Variants in AGRN observed in about 807,000 individuals in gnomAD.
AGRN encodes the protein agrin.
AGRN carries 106 observed loss-of-function variants against 211.0 expected under a neutral mutation model. That is an observed-to-expected ratio of 0.50 (90% CI 0.43 to 0.59). The LOEUF (loss-of-function observed/expected upper bound fraction) is 0.59. Ranked by LOEUF, AGRN falls within the 20% of genes least tolerant of loss-of-function variation. The pLI is 0.00. For synonymous variants in AGRN, 1,525 were observed against 1,332.5 expected (o/e 1.14, Z -3.15); for missense variants, 3,040 against 2,982.6 (o/e 1.02, Z -0.45).
chr1:1,040,773 C>A lies in AGRN; in HGVS notation c.620C>A (p.Ala207Glu), dbSNP rs996667695. 8 of 1,540,808 alleles carry A rather than the reference C, an allele frequency of 5.2e-6. No individual in the cohort carries two copies. The highest frequency in any genetic ancestry group is 6.1e-6 in the Non-Finnish European group (7 of 1,147,432). Residue 207 changes from alanine to glutamate, a missense_variant, in exon 4 of 36, where the codon GCG becomes GAG. Ala to Glu is a moderately radical substitution (Grantham distance 107). This residue lies in a region of AGRN where 1,498 missense variants were observed against 1,457.8 expected (regional missense o/e 1.03). Transcript: ENST00000379370. ...CKKSPCPSVV[A>E]PVCGSDASTY... ...AAGAGCCCGTGCCCCAGCGTGGTGGCGCCTGTGTGTGGGTCGGACGCCTCC... is the reference window on the plus strand; with the variant it reads ...AAGAGCCCGTGCCCCAGCGTGGTGGAGCCTGTGTGTGGGTCGGACGCCTCC...
In AGRN at chr1:1,043,306, G is replaced by T; in HGVS notation, c.1452G>T (p.Gly484=). 1 of 1,611,460 alleles carries T rather than the reference G, an allele frequency of 6.2e-7. No individual in the cohort carries two copies. ...GGGCGACGTGTGCTGTGAAGAACGG[G>T]CAGGCAGCGTGTGAATGCCTGCAGG... ...AFGATCAVKN[G]QAACECLQAC... Residue 484 remains glycine (G), a synonymous_variant, in exon 8 of 36, where the codon GGG becomes GGT. Transcript: ENST00000379370.
rs188516731 is a variant in AGRN at position 1,022,828 on chromosome 1, C to T, written c.463+366C>T. On this transcript the variant is annotated intron_variant, in intron 2 of 35. Transcript: ENST00000379370. Reference sequence around the variant, plus strand: ...AAGCCCCTGTGTTAGCCCAGACCTCCGTCTAGACGGGCCCGCGTGTCGAGC... The same window carrying T: ...AAGCCCCTGTGTTAGCCCAGACCTCTGTCTAGACGGGCCCGCGTGTCGAGC... 7.2e-5 allele frequency among the ~76,000 whole-genome samples: 11 copies of T among 152,370 alleles called. 1 individual carries two copies. The East Asian group carries it at 7.7e-4, about 11-fold the overall frequency.
rs1645167604 is a variant in AGRN, at chr1:1,048,494, G to A, written c.4105+129G>A. On this transcript the variant is annotated intron_variant, in intron 23 of 35. Coordinates refer to ENST00000379370, the MANE Select transcript of AGRN (RefSeq NM_198576.4). The surrounding 1 kb of genome is among the most constrained non-coding windows in gnomAD (Gnocchi z 5.9). Reference sequence around the variant, plus strand: ...CCGGATTAAGGCGGGGTTTCGGCCAGATGCGGTGGCTCACGCCTGTAATCC... The same window carrying A: ...CCGGATTAAGGCGGGGTTTCGGCCAAATGCGGTGGCTCACGCCTGTAATCC... 4 of 835,290 alleles carry A rather than the reference G, an allele frequency of 4.8e-6. No individual in the cohort carries two copies. Among genetic ancestry groups the A allele is most frequent in the Admixed American group, 3.1e-5 (1 of 32,754 alleles). 51.7% of individuals were successfully genotyped at this position (835,290 alleles called of 1,614,324 possible).
At chr1:1,040,516 A>G (rs1644901297) in intron 3 of AGRN, 149 bp from the exon 4 acceptor site, 3 of 958,656 alleles carry the variant, frequency 3.1e-6, no homozygotes, top group African/African-American at 1.6e-5. Context: ...CTGTGAGCGC[A>G]CGCACGCGTG....
At position 1,046,252 on chromosome 1, in the gene AGRN, G is replaced by C; in HGVS notation, c.2898G>C (p.Leu966=). 6.2e-7 allele frequency: 1 copy of C among 1,613,484 alleles called. No individual in the cohort carries two copies. ...GCCTGCAAATCTCTATCCAGAGCCT[G>C]GGCCCGTGCCAGGGTGAGGCCTGAC... is the stretch of plus-strand genomic sequence containing the variant. ...RQGLQISIQS[L]GPCQEAVAPS... The change falls in exon 17 of 36, where the codon CTG becomes CTC. Residue 966 remains leucine, a synonymous_variant. Coordinates refer to ENST00000379370, the MANE Select transcript of AGRN (RefSeq NM_198576.4).
chr1:1,044,059 CTG>C (rs1321469856), intron 10 of AGRN, 36 bp downstream of exon 10: 6 of 1,612,474 alleles, frequency 3.7e-6, no homozygotes, highest in Non-Finnish European at 5.1e-6. Context: ...CTGCTGGGCT[CTG>C]GCTTTGGACA....
intron 27 of AGRN, 21 bp from the exon 28 acceptor site, chr1:1,050,212 C>A (rs779815103): frequency 6.2e-7 from 1 of 1,612,670 alleles, no homozygotes; most frequent in Non-Finnish European, 8.5e-7. Context: ...AGGACTGAGG[C>A]CTTGGTGACT....
rs1645130024 is a variant in AGRN, at chr1:1,047,419, C to T, written c.3481C>T (p.Leu1161=). 1 of 1,612,704 alleles carries T rather than the reference C, an allele frequency of 6.2e-7. No individual in the cohort carries two copies. The highest frequency in any genetic ancestry group is 1.3e-5 in the African/African-American group (1 of 74,948). Residue 1161 remains leucine (L), a synonymous_variant, in exon 20 of 36, where the codon CTG becomes TTG. Transcript: ENST00000379370. The stretch of plus-strand genomic sequence containing the variant: ...CGAGATGGCTGACCCCAAGTCAGAA[C>T]TGTTCGGGGAGACAGCCAGGAGCAT... ...TPEMADPKSE[L]FGETARSIES...
chr1:1,045,966 G>A lies in AGRN; in HGVS notation c.2683G>A (p.Ala895Thr), dbSNP rs761623497. 8.7e-6 allele frequency: 14 copies of A among 1,613,490 alleles called. No individual in the cohort carries two copies. The East Asian group carries it at 2.0e-4, about 23-fold the overall frequency. ...GGTTTCCCATGCCCGTGCCCCAGAC[G>A]CTTCTGCGCCTGCGACCTGTGCGGA... ...ALGPAGCEAD[A>T]SAPATCAEMR... Residue 895 changes from alanine to threonine, a missense_variant and splice_region_variant, in exon 16 of 36, where the codon GCT becomes ACT. By Grantham distance (58) the Ala-to-Thr change is moderately conservative. Coordinates refer to ENST00000379370, the MANE Select transcript of AGRN (RefSeq NM_198576.4).
Position 1,042,049 on chromosome 1 carries a change from C to T in AGRN, c.1271C>T (p.Ala424Val), listed in dbSNP as rs768774592. 28 of 1,608,686 alleles carry T rather than the reference C, an allele frequency of 1.7e-5. No homozygotes were observed. In the South Asian group the frequency reaches 3.0e-4, roughly 17 times the overall value. Reference protein sequence around the residue: ...CSCDRVTCDGAYRPVCAQDGR... With the variant: ...CSCDRVTCDGVYRPVCAQDGR... ...TGCGACCGCGTCACCTGTGACGGGG[C>T]CTACAGGCCCGTGTGTGCCCAGGAC... The change falls in exon 7 of 36, where the codon GCC becomes GTC. Residue 424 changes from alanine (A) to valine (V), a missense_variant. By Grantham distance (64) the Ala-to-Val change is moderately conservative (BLOSUM62 0). Coordinates refer to ENST00000379370, the MANE Select transcript of AGRN (RefSeq NM_198576.4).
chr1:1,043,739 G>C lies in AGRN; in HGVS notation c.1798+7G>C. On this transcript the variant is annotated splice_region_variant and intron_variant, in intron 9 of 35. Coordinates refer to ENST00000379370, the MANE Select transcript of AGRN (RefSeq NM_198576.4). ...GCCTCAGCTGGACCCTGTGGTGAGTGAGGCCCTGGGGCCGGGCGGGCCAGG... is the reference window on the plus strand; with the variant it reads ...GCCTCAGCTGGACCCTGTGGTGAGTCAGGCCCTGGGGCCGGGCGGGCCAGG... The C allele has an allele frequency of 6.2e-7, 1 of 1,601,590 alleles. No homozygotes were observed. Among genetic ancestry groups the C allele is most frequent in the Non-Finnish European group, 8.5e-7 (1 of 1,179,756 alleles).
At position 1,041,924 on chromosome 1, in the gene AGRN, C is replaced by G. The variant is rs768645218; in HGVS notation, c.1178-32C>G. ...GGGCAGGGATGGAGGGTGCTCCAGC[C>G]TCTCCGTGACTCCCTCACCCCTGCG... On this transcript the variant is annotated intron_variant, in intron 6 of 35. Transcript: ENST00000379370. 46 of 1,608,638 alleles carry G rather than the reference C, an allele frequency of 2.9e-5. No homozygotes were observed. In the Admixed American group the frequency reaches 7.7e-4, roughly 27 times the overall value.
chr1:1,041,140 C>G (rs1168689602), intron 4 of AGRN, 33 bp from the exon 5 acceptor site: 1 of 1,312,478 alleles, frequency 7.6e-7, no homozygotes, highest in Admixed American at 3.9e-5. Flanking sequence ...GGGGCGGGGG[C>G]GGCCCGTCTG....
In AGRN at chr1:1,044,328, C is replaced by T. The variant is rs1334935933; in HGVS notation, c.2149-6C>T. On this transcript the variant is annotated splice_polypyrimidine_tract_variant and splice_region_variant and intron_variant, in intron 11 of 35. Transcript: ENST00000379370. ...TGCGGCCGCTCACACTGACACCACC[C>T]TCCAGGTGTGCGGCTCAGATGGGGT... is the stretch of plus-strand genomic sequence containing the variant. The T allele has an allele frequency of 1.9e-6, 3 of 1,612,752 alleles. No homozygotes were observed. The highest frequency in any genetic ancestry group is 1.3e-5 in the African/African-American group (1 of 75,036).
In AGRN at chr1:1,051,269, T is replaced by C; in HGVS notation, c.5270T>C (p.Leu1757Pro). Residue 1757 changes from leucine (L) to proline (P), a missense_variant, in exon 31 of 36, where the codon CTC becomes CCC. Transcript: ENST00000379370. The part of the protein sequence containing the change: ...LGESPVPHTV[L>P]NLKEPLYVGG... ...TCCCCGCAGGTTCCGCACACCGTCC[T>C]CAACCTGAAGGAGCCGCTCTACGTA... 1 of 1,581,110 alleles carries C rather than the reference T, an allele frequency of 6.3e-7. No homozygotes were observed. Among genetic ancestry groups the C allele is most frequent in the Non-Finnish European group, 8.6e-7 (1 of 1,164,628 alleles).
chr1:1,039,336 C>T (rs936521083), intron 3 of AGRN, among the ~76,000 whole-genome samples: 42 of 151,286 alleles, frequency 2.8e-4, no homozygotes, highest in African/African-American at 7.3e-4. Flanking sequence ...AGACAGACAG[C>T]GCCAGAGCCT....
At position 1,048,638 on chromosome 1, in the gene AGRN, T is replaced by G. The variant is rs908625370; in HGVS notation, c.4106-229T>G. On this transcript the variant is annotated intron_variant, in intron 23 of 35. Transcript: ENST00000379370. This position sits in a 1 kb window ranked among gnomAD's most constrained non-coding sequence, Gnocchi z 5.9. ...ATACAAAATTAGCCGGGCGTGGTGG[T>G]GGGCGCCTGTAATCCCACCTCGTGA... The G allele has an allele frequency of 5.0e-6, 3 of 602,958 alleles. No individual in the cohort carries two copies. In the African/African-American group the frequency reaches 5.7e-5, roughly 12 times the overall value. 37.4% of individuals were successfully genotyped at this position (602,958 alleles called of 1,614,324 possible). A position where few individuals can be genotyped will look rare whatever the true frequency, so the allele number is the denominator to read the frequency against.
intron 3 of AGRN, among the ~76,000 whole-genome samples, chr1:1,038,385 C>G (rs1644850864): frequency 6.6e-6 from 1 of 152,246 alleles, no homozygotes; most frequent in South Asian, 2.1e-4. Context: ...CAGAGCCTGT[C>G]CCTAAGGTAC....
Position 1,031,196 on chromosome 1 carries a change from C to A in AGRN, c.464-4081C>A, listed in dbSNP as rs1570160072. On this transcript the variant is annotated intron_variant, in intron 2 of 35. Transcript: ENST00000379370. The surrounding 1 kb of genome is among the most constrained non-coding windows in gnomAD (Gnocchi z 4.8). ...CAGTGCATGGTGCTGAGTGTGAGAT[C>A]AGCATGTGTGTGTGCAGTGCATGGT... Among the ~76,000 whole-genome samples the A allele has an allele frequency of 7.7e-6, 1 of 129,782 alleles. No homozygotes were observed. Among genetic ancestry groups the A allele is most frequent in the South Asian group, 2.5e-4 (1 of 3,940 alleles). The allele number at this position is 129,782 out of a possible 152,430, so 85.1% of individuals were successfully genotyped here.
Sources: allele counts gnomAD v4.1 joint callset (sites outside exome capture counted in the v4.1 genomes callset), GRCh38; gene constraint gnomAD v4.1.1; regional missense constraint gnomAD v4.1.1; non-coding constraint Gnocchi (gnomAD v3.1); transcripts MANE v1.5; gene names NCBI Gene and HGNC (gene_info 2026-07-23, HGNC 2026-07-21).